Variants in CAMTA1 observed in about 807,000 individuals in gnomAD.
CAMTA1 encodes the protein calmodulin binding transcription activator 1.
CAMTA1 carries 27 observed loss-of-function variants against 170.9 expected under a neutral mutation model. The ratio of observed to expected loss-of-function variants is 0.16; its 90% confidence interval spans 0.12 to 0.22. CAMTA1 has a LOEUF of 0.22. Among genes scored for constraint, CAMTA1 ranks in the 10% least tolerant of loss-of-function variants. The probability of loss-of-function intolerance (pLI) is 1.00; values close to 1 mark genes in which losing one functional copy is unlikely to be tolerated. For synonymous variants in CAMTA1, 833 were observed against 891.5 expected (o/e 0.93, Z 1.17); for missense variants, 1,619 against 2,217.2 (o/e 0.73, Z 5.42).
At chr1:7,045,118 T>C (rs1008675917) in intron 3 of CAMTA1, among the ~76,000 whole-genome samples, 1 of 152,142 alleles carries the variant, frequency 6.6e-6, no homozygotes, top group East Asian at 1.9e-4. Flanking sequence ...TTTTATGTGC[T>C]TCTCTTTTAA....
At chr1:7,028,148 A>G (rs181837493) in intron 3 of CAMTA1, among the ~76,000 whole-genome samples, 1 of 152,100 alleles carries the variant, frequency 6.6e-6, no homozygotes, top group African/African-American at 2.4e-5. Flanking sequence ...CAGGGGATCC[A>G]CCCACCTCAG....
chr1:6,988,104 C>T (rs1221502688), intron 3 of CAMTA1, among the ~76,000 whole-genome samples: 2 of 152,162 alleles, frequency 1.3e-5, no homozygotes, highest in African/African-American at 2.4e-5. Context: ...TCCTAAGTTC[C>T]GTTTTCGTGT....
At chr1:7,663,211 G>C (rs1013363562) in intron 8 of CAMTA1, 142 bp from the exon 9 acceptor site, 4 of 1,109,724 alleles carry the variant, frequency 3.6e-6, no homozygotes, top group Non-Finnish European at 1.2e-6. Flanking sequence ...CTGGGGTACC[G>C]GGCCTGGACT....
At chr1:6,989,940 G>C (rs1344902578) in intron 3 of CAMTA1, among the ~76,000 whole-genome samples, 2 of 152,144 alleles carry the variant, frequency 1.3e-5, no homozygotes, top group Non-Finnish European at 2.9e-5. Context: ...ATGGGGGAGT[G>C]GGGCAGCAAC....
chr1:6,812,124 C>T (rs1424312474), intron 1 of CAMTA1, among the ~76,000 whole-genome samples: 1 of 152,226 alleles, frequency 6.6e-6, no homozygotes, highest in Non-Finnish European at 1.5e-5. Context: ...AGCTTTCTCT[C>T]AGAGCATCGT....
At chr1:7,643,138 G>A (rs936173424) in intron 7 of CAMTA1, among the ~76,000 whole-genome samples, 12 of 150,068 alleles carry the variant, frequency 8.0e-5, no homozygotes, top group Non-Finnish European at 1.3e-4. Context: ...CATTTAGAGG[G>A]GAGTTCCTGC....
intron 6 of CAMTA1, among the ~76,000 whole-genome samples, chr1:7,529,895 C>T (rs1454370115): frequency 1.3e-5 from 2 of 152,250 alleles, no homozygotes; most frequent in Non-Finnish European, 2.9e-5. Flanking sequence ...TGGGAGGCCA[C>T]ATGCTGGCAA....
intron 19 of CAMTA1, among the ~76,000 whole-genome samples, chr1:7,750,472 T>A (rs926240369): frequency 6.6e-6 from 1 of 152,250 alleles, no homozygotes; most frequent in African/African-American, 2.4e-5. Flanking sequence ...CATGGAGAGC[T>A]CTGTATTTTT....
chr1:7,153,666 A>G (rs570881112), intron 4 of CAMTA1, among the ~76,000 whole-genome samples: 4 of 152,290 alleles, frequency 2.6e-5, no homozygotes, highest in Admixed American at 2.6e-4. Flanking sequence ...TCTTTCTCAC[A>G]GCAGACAGCC....
chr1:7,353,097 G>T (rs1054393423), intron 5 of CAMTA1, among the ~76,000 whole-genome samples: 1 of 152,162 alleles, frequency 6.6e-6, no homozygotes, highest in Non-Finnish European at 1.5e-5. Context: ...GTCAGCCTAG[G>T]TCATGTGTGG....
At chr1:7,012,164 A>G (rs1270863895) in intron 3 of CAMTA1, among the ~76,000 whole-genome samples, 2 of 152,204 alleles carry the variant, frequency 1.3e-5, no homozygotes, top group Admixed American at 1.3e-4. Context: ...ATGTGGGCCC[A>G]TGATACTGCC....
At chr1:7,560,468 TCC>T (rs2094941675) in intron 6 of CAMTA1, among the ~76,000 whole-genome samples, 1 of 152,084 alleles carries the variant, frequency 6.6e-6, no homozygotes, top group Non-Finnish European at 1.5e-5. Context: ...CTCAGTTTTC[TCC>T]TCTGTGAAAT....
chr1:7,355,535 C>G (rs568144236), intron 5 of CAMTA1, among the ~76,000 whole-genome samples: 1 of 152,230 alleles, frequency 6.6e-6, no homozygotes, highest in African/African-American at 2.4e-5. Context: ...CCCCTACCCC[C>G]AAAATATAGC....
At chr1:6,868,026 A>C (rs894270490) in intron 3 of CAMTA1, among the ~76,000 whole-genome samples, 1 of 152,050 alleles carries the variant, frequency 6.6e-6, no homozygotes, top group African/African-American at 2.4e-5. Context: ...GCTAGTCTCA[A>C]ACTTCTGGGC....
chr1:7,511,981 AC>A (rs1268836600), intron 6 of CAMTA1, among the ~76,000 whole-genome samples: 1 of 152,216 alleles, frequency 6.6e-6, no homozygotes, highest in African/African-American at 2.4e-5. Flanking sequence ...TTCAGGAACC[AC>A]AGGCTTATCT....
chr1:6,899,548 GCGCGCGCACA>G (rs1413374833), intron 3 of CAMTA1, among the ~76,000 whole-genome samples: 3 of 89,782 alleles, frequency 3.3e-5, no homozygotes, highest in South Asian at 3.4e-4. Context: ...ACGCGCACGC[GCGCGCGCACA>G]CACACACACA....
At chr1:7,104,369 T>TACACATACAC (rs1553246862) in intron 4 of CAMTA1, among the ~76,000 whole-genome samples, 2 of 150,860 alleles carry the variant, frequency 1.3e-5, no homozygotes, top group Non-Finnish European at 1.5e-5. Context: ...TCAATACACA[T>TACACATACAC]ACACACACAC....
intron 3 of CAMTA1, among the ~76,000 whole-genome samples, chr1:7,077,183 T>G (rs956630585): frequency 1.1e-4 from 17 of 152,226 alleles, no homozygotes; most frequent in African/African-American, 3.9e-4. Flanking sequence ...CTGAAATCCC[T>G]GTGTTTTCCA....
chr1:7,348,313 C>T (rs1471913421), intron 5 of CAMTA1, among the ~76,000 whole-genome samples: 2 of 152,216 alleles, frequency 1.3e-5, no homozygotes, highest in Non-Finnish European at 2.9e-5. Context: ...CTGCCTCATT[C>T]CCATGCCCAT....
Sources: allele counts gnomAD v4.1 joint callset (sites outside exome capture counted in the v4.1 genomes callset), GRCh38; gene constraint gnomAD v4.1.1; transcripts MANE v1.5; gene names NCBI Gene and HGNC (gene_info 2026-07-23, HGNC 2026-07-21).